Variants in DAB1 observed in about 807,000 individuals in gnomAD.
DAB1 encodes disabled homolog 1.
DAB1 carries 15 observed loss-of-function variants against 64.6 expected under a neutral mutation model. The ratio of observed to expected loss-of-function variants is 0.23; its 90% CI spans 0.16 to 0.36. DAB1 has a LOEUF of 0.36. Among genes scored for constraint, DAB1 ranks in the 10% least tolerant of loss-of-function variants. The pLI, the probability that DAB1 is intolerant of heterozygous loss-of-function variation, is 1.00. For synonymous variants in DAB1, 235 were observed against 251.9 expected (o/e 0.93, Z 0.64); for missense variants, 596 against 706.7 (o/e 0.84, Z 1.78).
At chr1:57,682,156 C>A (rs538963164) in intron 6 of DAB1, among the ~76,000 whole-genome samples, 1 of 151,824 alleles carries the variant, frequency 6.6e-6, no homozygotes, top group East Asian at 1.9e-4. Context: ...ATTCAGGAAT[C>A]AAAAGAGAAT....
intron 5 of DAB1, among the ~76,000 whole-genome samples, chr1:57,923,480 T>A (rs563369268): frequency 1.3e-5 from 2 of 152,174 alleles, no homozygotes; most frequent in African/African-American, 4.8e-5. Context: ...AGGGTTGTAG[T>A]CCTGTATCTA....
chr1:58,536,365 G>C (rs1441238836), intron 1 of DAB1: 3 of 597,740 alleles, frequency 5.0e-6, no homozygotes, highest in Non-Finnish European at 9.0e-6. Flanking sequence ...TACTAAGTGT[G>C]AAAGGTCTGA....
At chr1:57,092,122 A>C (rs17114978) in intron 4 of DAB1, among the ~76,000 whole-genome samples, 1 of 152,244 alleles carries the variant, frequency 6.6e-6, no homozygotes, top group South Asian at 2.1e-4. Context: ...CCATGCCGTT[A>C]GAAAGACACC....
At chr1:58,194,761 CA>C (rs1657578482) in intron 4 of DAB1, among the ~76,000 whole-genome samples, 1 of 152,160 alleles carries the variant, frequency 6.6e-6, no homozygotes, top group Admixed American at 6.5e-5. Context: ...CTCAACGTTC[CA>C]TGGTGTCATT....
intron 1 of DAB1, among the ~76,000 whole-genome samples, chr1:57,871,077 A>G (rs1268859798): frequency 6.6e-6 from 1 of 152,164 alleles, no homozygotes; most frequent in Admixed American, 6.5e-5. Flanking sequence ...TGTGAACGAG[A>G]TATACCAGGA....
intron 7 of DAB1, among the ~76,000 whole-genome samples, chr1:57,591,931 C>T (rs1005575206): frequency 1.3e-5 from 2 of 152,166 alleles, no homozygotes; most frequent in Non-Finnish European, 2.9e-5. Flanking sequence ...CATCTAATAC[C>T]TTCTTGCGCA....
At chr1:57,691,590 G>C (rs995086370) in intron 6 of DAB1, among the ~76,000 whole-genome samples, 2 of 152,088 alleles carry the variant, frequency 1.3e-5, no homozygotes, top group Admixed American at 1.3e-4. Flanking sequence ...GAAGGTCTGT[G>C]GCTTCATTCT....
At chr1:57,624,192 C>A (rs1645895189) in intron 7 of DAB1, among the ~76,000 whole-genome samples, 1 of 152,084 alleles carries the variant, frequency 6.6e-6, no homozygotes, top group South Asian at 2.1e-4. Flanking sequence ...TTTTTTCCTC[C>A]TTTCATCTTT....
At chr1:57,221,303 G>T (rs61765593) in intron 2 of DAB1, among the ~76,000 whole-genome samples, 1 of 152,134 alleles carries the variant, frequency 6.6e-6, no homozygotes, top group East Asian at 1.9e-4. Flanking sequence ...TGTAAATGAC[G>T]AGTTAATGGG....
intron 2 of DAB1, among the ~76,000 whole-genome samples, chr1:57,261,305 A>C (rs1261870159): frequency 6.6e-6 from 1 of 152,142 alleles, no homozygotes; most frequent in African/African-American, 2.4e-5. Context: ...TATGCATCCA[A>C]CAATGAAATG....
chr1:57,028,005 T>C (rs145907496), intron 9 of DAB1, among the ~76,000 whole-genome samples: 122 of 152,314 alleles, frequency 8.0e-4, no homozygotes, highest in African/African-American at 2.8e-3. Flanking sequence ...AATCTGTAGA[T>C]GCAAATAATC....
chr1:57,226,680 T>C (rs867224292), intron 2 of DAB1, among the ~76,000 whole-genome samples: 1 of 141,746 alleles, frequency 7.1e-6, no homozygotes, highest in Non-Finnish European at 1.5e-5. Context: ...AAAATATATA[T>C]ATATATATAT....
Position 57,023,833 on chromosome 1 carries a change from G to A in DAB1, c.787-194C>T, listed in dbSNP as rs115106157. ...AATGACACCTCCAGAGCTACTGTGA[G>A]GATTAAGTGAGATTATGTAATTAAA... is the stretch of plus-strand genomic sequence containing the variant. On this transcript the variant is annotated intron_variant, in intron 10 of 14. Coordinates refer to ENST00000371236, the MANE Select transcript of DAB1 (RefSeq NM_001365792.1). Among the ~76,000 whole-genome samples, 2,644 of 152,258 alleles carry A rather than the reference G, an allele frequency of 0.017. 85 individuals carry two copies. Among genetic ancestry groups the A allele is most frequent in the African/African-American group, 0.059 (2,460 of 41,534 alleles).
chr1:57,226,672 A>ATATATATATATATATATATATATATAT (rs1553158266), intron 2 of DAB1, among the ~76,000 whole-genome samples: 2 of 136,012 alleles, frequency 1.5e-5, no homozygotes, highest in African/African-American at 6.2e-5. Flanking sequence ...TTAAAAAAAA[A>ATATATATATATATATATATATATATAT]ATATATATAT....
intron 2 of DAB1, among the ~76,000 whole-genome samples, chr1:57,159,856 CAAAAAAAAA>C (rs398049302): frequency 1.3e-4 from 11 of 86,346 alleles, no homozygotes; most frequent in East Asian, 7.1e-4. Context: ...AGCAGCAAGA[CAAAAAAAAA>C]AAAAAAAAAA....
chr1:57,949,250 G>A (rs12043503), intron 5 of DAB1, among the ~76,000 whole-genome samples: 57,776 of 151,988 alleles, frequency 0.38, 11,867 homozygotes, highest in Admixed American at 0.48. Context: ...GGAGTGCACA[G>A]CCTAGATCCC....
upstream of DAB1, among the ~76,000 whole-genome samples, chr1:57,427,710 A>G (rs1685342492): frequency 6.6e-6 from 1 of 152,234 alleles, no homozygotes; most frequent in African/African-American, 2.4e-5. Flanking sequence ...TTATTGAAGT[A>G]TAATTGACAA....
intron 1 of DAB1, chr1:57,874,984 G>A (rs915016083): frequency 7.9e-5 from 12 of 152,144 alleles, no homozygotes; most frequent in African/African-American, 1.9e-4. Flanking sequence ...TGGTGAACCC[G>A]GCTTTGAAAC....
intron 5 of DAB1, among the ~76,000 whole-genome samples, chr1:57,973,016 G>GA (rs1255643191): frequency 1.3e-5 from 2 of 152,114 alleles, no homozygotes; most frequent in South Asian, 2.1e-4. Context: ...GCCTTATTTA[G>GA]AAAAAATCTG....
Sources: gnomAD v4.1 joint callset for allele counts (sites outside exome capture counted in the v4.1 genomes callset) on GRCh38, gnomAD v4.1.1 for gene constraint, MANE v1.5 for transcripts, NCBI Gene and HGNC (gene_info 2026-07-23, HGNC 2026-07-21) for gene names.